CFAP221: variants seen among roughly 807,000 people sequenced by gnomAD.
CFAP221 encodes cilia- and flagella-associated protein 221.
In CFAP221, 97 loss-of-function variants were observed where a neutral mutation model predicts 113.1. That is an observed-to-expected ratio of 0.86 (90% CI 0.73 to 1.02). The LOEUF (loss-of-function observed/expected upper bound fraction) is 1.02. CFAP221 is among the 50% of genes least tolerant of loss of function. The pLI is 0.00. For synonymous variants in CFAP221, 331 were observed against 354.4 expected (o/e 0.93, Z 0.74); for missense variants, 1,025 against 1,013.4 (o/e 1.01, Z -0.16).
In CFAP221 at chr2:119,605,161, T is replaced by C. The variant is rs369018788; in HGVS notation, c.1025-20T>C. 1.2e-4 allele frequency: 196 copies of C among 1,592,464 alleles called. No homozygotes were observed. Among genetic ancestry groups the C allele is most frequent in the Non-Finnish European group, 1.6e-4 (183 of 1,160,686 alleles). ...TTTAATCTGATTACTGGTATAAACA[T>C]TGTCTGCTCCTGCCTTCAGTTTTGG... On this transcript the variant is annotated intron_variant, in intron 10 of 23. Coordinates refer to ENST00000413369, the MANE Select transcript of CFAP221 (RefSeq NM_001271049.2).
intron 6 of CFAP221, among the ~76,000 whole-genome samples, chr2:119,569,626 A>G (rs185710384): frequency 6.6e-6 from 1 of 152,046 alleles, no homozygotes; most frequent in Admixed American, 6.5e-5. Context: ...CATTACATGT[A>G]TAATATACCT....
intron 16 of CFAP221, 45 bp downstream of exon 16, chr2:119,627,831 A>G (rs745844316): frequency 1.9e-6 from 3 of 1,609,034 alleles, no homozygotes; most frequent in African/African-American, 1.3e-5. Context: ...CATGATCATG[A>G]TCGTGTTGGG....
At position 119,559,987 on chromosome 2, in the gene CFAP221, G is replaced by A. The variant is rs1310581641; in HGVS notation, c.387G>A (p.Glu129=). The change falls in exon 5 of 24, where the codon GAG becomes GAA. Residue 129 remains glutamate (E), a synonymous_variant. Transcript: ENST00000413369. Reference sequence around the variant, plus strand: ...TCACCGTTACATTTTCTCCAGATGAGTGGCGATACTATTATGACTGCATCC... The same window carrying A: ...TCACCGTTACATTTTCTCCAGATGAATGGCGATACTATTATGACTGCATCC... The part of the protein sequence containing the change: ...LTVTVTFSPD[E]WRYYYDCIRV... 1.3e-6 allele frequency: 2 copies of A among 1,534,872 alleles called. No individual in the cohort carries two copies. The highest frequency in any genetic ancestry group is 4.9e-5 in the East Asian group (2 of 40,864).
intron 22 of CFAP221, among the ~76,000 whole-genome samples, chr2:119,650,671 A>G (rs1688075138): frequency 6.6e-6 from 1 of 152,224 alleles, no homozygotes. Context: ...GTCTCATTTA[A>G]TCCTTATGAT....
At chr2:119,594,186 T>C (rs1683792528) in intron 7 of CFAP221, among the ~76,000 whole-genome samples, 1 of 152,218 alleles carries the variant, frequency 6.6e-6, no homozygotes, top group Non-Finnish European at 1.5e-5. Context: ...CTGTCTGTTT[T>C]CTTTAAGACT....
At chr2:119,572,113 T>C (rs770317681) in intron 6 of CFAP221, among the ~76,000 whole-genome samples, 8 of 152,200 alleles carry the variant, frequency 5.3e-5, no homozygotes, top group Non-Finnish European at 1.2e-4. Context: ...CTGGATTTGA[T>C]GGTTATAAAT....
Position 119,601,252 on chromosome 2 carries a change from T to C in CFAP221, c.666T>C (p.Thr222=). ...CGGCTAATGGGAAGATGACTGTGAC[T>C]ATTAAGTTTACACCCTTTCAGTATG... ...IIPANGKMTV[T]IKFTPFQYGT... is the part of the protein sequence containing the mutation. The change falls in exon 8 of 24, where the codon ACT becomes ACC. Residue 222 remains threonine (T), a synonymous_variant. Coordinates refer to ENST00000413369, the MANE Select transcript of CFAP221 (RefSeq NM_001271049.2). 6.5e-7 allele frequency: 1 copy of C among 1,532,318 alleles called. No individual in the cohort carries two copies. The highest frequency in any genetic ancestry group is 8.7e-7 in the Non-Finnish European group (1 of 1,144,680). The allele number at this position is 1,532,318 out of a possible 1,614,324, so 94.9% of individuals were successfully genotyped here. A position where few individuals can be genotyped will look rare whatever the true frequency, so the allele number is the denominator to read the frequency against.
At chr2:119,616,982 C>T (rs1192116653) in intron 14 of CFAP221, among the ~76,000 whole-genome samples, 1 of 152,240 alleles carries the variant, frequency 6.6e-6, no homozygotes. Flanking sequence ...AGCAGACTGC[C>T]TGCACTAATT....
At chr2:119,660,002 C>T (rs1688558388), downstream of CFAP221, among the ~76,000 whole-genome samples, 1 of 152,262 alleles carries the variant, frequency 6.6e-6, no homozygotes, top group South Asian at 2.1e-4. Context: ...CTACTTCCAC[C>T]TACCCAATCT....
chr2:119,625,835 C>T, intron 15 of CFAP221, 147 bp downstream of exon 15: 1 of 628,130 alleles, frequency 1.6e-6, no homozygotes, highest in Non-Finnish European at 2.8e-6. Context: ...TAACAAATCA[C>T]TTGTGCCTTC....
At chr2:119,640,488 A>T (rs1345812480) in intron 21 of CFAP221, among the ~76,000 whole-genome samples, 1 of 152,238 alleles carries the variant, frequency 6.6e-6, no homozygotes, top group African/African-American at 2.4e-5. Flanking sequence ...TCAAAGAAGT[A>T]GCCTGGTGCC....
chr2:119,636,514 G>T (rs754599627), intron 19 of CFAP221, among the ~76,000 whole-genome samples: 3 of 152,182 alleles, frequency 2.0e-5, no homozygotes, highest in Admixed American at 6.5e-5. Flanking sequence ...GTTTGGAAGG[G>T]GCATTTGTGT....
intron 6 of CFAP221, chr2:119,572,509 A>C (rs1558924276): frequency 1.5e-6 from 1 of 688,078 alleles, no homozygotes; most frequent in Non-Finnish European, 2.7e-6. Context: ...GGTTCTAAAA[A>C]GATTCATGTT....
At chr2:119,596,657 T>A (rs1441071456) in intron 7 of CFAP221, among the ~76,000 whole-genome samples, 1 of 152,198 alleles carries the variant, frequency 6.6e-6, no homozygotes, top group Non-Finnish European at 1.5e-5. Flanking sequence ...TCAAAAAAGC[T>A]TGCGGGAGGG....
At chr2:119,599,502 A>G (rs771839999) in intron 7 of CFAP221, among the ~76,000 whole-genome samples, 1 of 152,228 alleles carries the variant, frequency 6.6e-6, no homozygotes, top group Non-Finnish European at 1.5e-5. Flanking sequence ...GAGAAGGCAG[A>G]TGGTAAATGC....
intron 7 of CFAP221, among the ~76,000 whole-genome samples, chr2:119,594,024 T>C (rs980931466): frequency 6.6e-6 from 1 of 152,152 alleles, no homozygotes; most frequent in Non-Finnish European, 1.5e-5. Flanking sequence ...CAACATGAGA[T>C]TTGCAGGGGA....
chr2:119,610,146 T>C (rs1474626664), intron 12 of CFAP221, among the ~76,000 whole-genome samples: 1 of 152,224 alleles, frequency 6.6e-6, no homozygotes, highest in Non-Finnish European at 1.5e-5. Context: ...ATTGTGGGCA[T>C]TGAGGCTGTG....
In CFAP221 at chr2:119,605,186, G is replaced by T. The variant is rs1684651826; in HGVS notation, c.1030G>T (p.Asp344Tyr). The T allele has an allele frequency of 6.2e-7, 1 of 1,613,584 alleles. No homozygotes were observed. The change falls in exon 11 of 24, where the codon GAC (aspartate) becomes TAC (tyrosine). Residue 344 changes from aspartate to tyrosine, a missense_variant. Asp to Tyr is a radical substitution (Grantham distance 160). Transcript: ENST00000413369. ...TTGTCTGCTCCTGCCTTCAGTTTTG[G>T]ACCAGGGCACTGAAATTTCAAAAAC... ...LKIKELREVL[D>Y]QGTEISKTRQ...
intron 13 of CFAP221, among the ~76,000 whole-genome samples, chr2:119,615,190 A>G (rs1685441117): frequency 6.6e-6 from 1 of 152,230 alleles, no homozygotes; most frequent in African/African-American, 2.4e-5. Flanking sequence ...CAGGACATGC[A>G]GGCACATGTG....
Sources: allele counts gnomAD v4.1 joint callset (sites outside exome capture counted in the v4.1 genomes callset), GRCh38; gene constraint gnomAD v4.1.1; transcripts MANE v1.5; gene names NCBI Gene and HGNC (gene_info 2026-07-23, HGNC 2026-07-21).